MSL2: variants seen among roughly 807,000 people sequenced by gnomAD.
MSL2 encodes the protein MSL complex subunit 2.
MSL2 carries 2 observed loss-of-function variants against 35.8 expected under a neutral mutation model. The observed-to-expected ratio is 0.06, with a 90% CI of 0.02 to 0.18. The LOEUF (loss-of-function observed/expected upper bound fraction) is 0.18. MSL2 is among the 10% of genes least tolerant of loss of function. The probability of loss-of-function intolerance (pLI) is 1.00; values close to 1 mark genes in which losing one functional copy is unlikely to be tolerated. For synonymous variants in MSL2, 296 were observed against 255.7 expected, an observed-to-expected ratio of 1.16 and a Z score of -1.50; for missense variants, 523 against 706.7, an observed-to-expected ratio of 0.74 and a Z score of 2.95.
chr3:136,189,913 G>A (rs981734502), intron 1 of MSL2, among the ~76,000 whole-genome samples: 3 of 151,882 alleles, frequency 2.0e-5, no homozygotes, highest in African/African-American at 7.3e-5. Flanking sequence ...AATGTTAATT[G>A]GTAAGTTTTC....
At position 136,151,722 on chromosome 3, in the gene MSL2, T is replaced by A; in HGVS notation, c.1159A>T (p.Thr387Ser). The A allele has an allele frequency of 6.2e-7, 1 of 1,614,148 alleles. No individual in the cohort carries two copies. Among genetic ancestry groups the A allele is most frequent in the South Asian group, 1.1e-5 (1 of 91,082 alleles). The change falls in exon 2 of 2, where the codon ACT (threonine) becomes TCT (serine). Residue 387 changes from threonine to serine, a missense_variant. This residue lies in a region of MSL2 where 361 missense variants were observed against 414.6 expected (regional missense o/e 0.87). Transcript: ENST00000309993. This position sits in a 1 kb window ranked among gnomAD's most constrained non-coding sequence, Gnocchi z 5.2. ...ESKISLQPIA[T>S]VPNGGTTPKI... ...GGTGTTGTGCCTCCATTGGGAACAG[T>A]TGCTATAGGTTGAAGAGAAATTTTG... is the stretch of plus-strand genomic sequence containing the variant.
intron 1 of MSL2, among the ~76,000 whole-genome samples, chr3:136,188,620 G>A (rs774753206): frequency 4.0e-5 from 6 of 151,262 alleles, no homozygotes; most frequent in African/African-American, 1.5e-4. Context: ...CATTGATGGC[G>A]TATGCCTGTA....
intron 1 of MSL2, among the ~76,000 whole-genome samples, chr3:136,169,353 G>C (rs1014267462): frequency 1.3e-5 from 2 of 150,702 alleles, no homozygotes; most frequent in East Asian, 4.0e-4. Context: ...AATCAAATGA[G>C]GCTAACTGGA....
Position 136,195,533 on chromosome 3 carries a change from G to C in MSL2, c.-420C>G. ...CTGGCAGGCGCGGGAGCAGGCCCCG[G>C]CCCCGTCTGAGGCGCGGCACGCTTC... On this transcript the variant is annotated 5_prime_UTR_variant, in exon 1 of 2. Transcript: ENST00000309993. 9.9e-7 allele frequency: 1 copy of C among 1,007,396 alleles called. No homozygotes were observed. The highest frequency in any genetic ancestry group is 1.2e-6 in the Non-Finnish European group (1 of 844,348). 62.4% of individuals were successfully genotyped at this position (1,007,396 alleles called of 1,614,324 possible). A position where few individuals can be genotyped will look rare whatever the true frequency, so the allele number is the denominator to read the frequency against.
chr3:136,175,978 C>A (rs573916308), intron 1 of MSL2, among the ~76,000 whole-genome samples: 8 of 151,992 alleles, frequency 5.3e-5, no homozygotes, highest in African/African-American at 1.9e-4. Flanking sequence ...AAATTAAACT[C>A]CAAAATTAAA....
chr3:136,174,087 A>G (rs563484283), intron 1 of MSL2, among the ~76,000 whole-genome samples: 16 of 152,346 alleles, frequency 1.1e-4, no homozygotes, highest in African/African-American at 3.8e-4. Flanking sequence ...CTCCTATTAC[A>G]GCACTTAATC....
At position 136,174,592 on chromosome 3, in the gene MSL2, G is replaced by A. The variant is rs147386028; in HGVS notation, c.142+20380C>T. Reference sequence around the variant, plus strand: ...GGAAGAGCAAAAGGAAGGGGAGGATGGATTCTCAATAACAGGTTTGTGAGG... The same window carrying A: ...GGAAGAGCAAAAGGAAGGGGAGGATAGATTCTCAATAACAGGTTTGTGAGG... On this transcript the variant is annotated intron_variant, in intron 1 of 1. Coordinates refer to ENST00000309993, the MANE Select transcript of MSL2 (RefSeq NM_018133.4). 1.8e-3 allele frequency among the ~76,000 whole-genome samples: 273 copies of A among 152,308 alleles called. 3 individuals carry two copies. The highest frequency in any genetic ancestry group is 6.0e-3 in the African/African-American group (250 of 41,568).
chr3:136,183,435 T>C (rs545086640), intron 1 of MSL2, among the ~76,000 whole-genome samples: 11 of 152,172 alleles, frequency 7.2e-5, no homozygotes, highest in Non-Finnish European at 1.6e-4. Flanking sequence ...TTTTTGGTTT[T>C]TTTTTGAGAC....
intron 1 of MSL2, among the ~76,000 whole-genome samples, chr3:136,161,080 C>A (rs1939696734): frequency 6.6e-6 from 1 of 152,114 alleles, no homozygotes. Context: ...AGCAAAGGTT[C>A]CATCTCAAAA....
At chr3:136,191,398 G>A (rs566862593) in intron 1 of MSL2, among the ~76,000 whole-genome samples, 1 of 151,404 alleles carries the variant, frequency 6.6e-6, no homozygotes, top group East Asian at 1.9e-4. Flanking sequence ...AACCCAGGAG[G>A]TAGAGGTTGC....
At position 136,151,480 on chromosome 3, in the gene MSL2, A is replaced by T. The variant is rs747526185; in HGVS notation, c.1401T>A (p.Ala467=). The T allele has an allele frequency of 6.2e-7, 1 of 1,614,252 alleles. No homozygotes were observed. The highest frequency in any genetic ancestry group is 1.1e-5 in the South Asian group (1 of 91,086). Residue 467 remains alanine (A), a synonymous_variant, in exon 2 of 2, where the codon GCT becomes GCA. Coordinates refer to ENST00000309993, the MANE Select transcript of MSL2 (RefSeq NM_018133.4). This position sits in a 1 kb window ranked among gnomAD's most constrained non-coding sequence, Gnocchi z 5.2. The part of the protein sequence containing the change: ...QEKKGCKCGR[A]TQNPSVLTCR... ...ATGTAAGAACACTTGGATTTTGAGT[A>T]GCACGCCCACATTTACACCCTTTCT... is the stretch of plus-strand genomic sequence containing the variant.
intron 1 of MSL2, among the ~76,000 whole-genome samples, chr3:136,175,382 C>T (rs576630938): frequency 6.6e-6 from 1 of 151,578 alleles, no homozygotes; most frequent in Non-Finnish European, 1.5e-5. Flanking sequence ...ACTTCTCTCA[C>T]TGATGTCAAA....
At chr3:136,176,856 AAT>A (rs1381118965) in intron 1 of MSL2, among the ~76,000 whole-genome samples, 1 of 152,102 alleles carries the variant, frequency 6.6e-6, no homozygotes, top group Admixed American at 6.6e-5. Context: ...AACCAAAATA[AAT>A]ATCTTTTCTT....
rs1029667832 is a variant in MSL2, at chr3:136,195,505, G to C, written c.-392C>G. ...GGACACGGAGGCGCCTCCTCAAGTC[G>C]AGCTGGCAGGCGCGGGAGCAGGCCC... On this transcript the variant is annotated 5_prime_UTR_variant, in exon 1 of 2. Coordinates refer to ENST00000309993, the MANE Select transcript of MSL2 (RefSeq NM_018133.4). 2 of 1,011,882 alleles carry C rather than the reference G, an allele frequency of 2.0e-6. No homozygotes were observed. Among genetic ancestry groups the C allele is most frequent in the East Asian group, 1.0e-4 (1 of 9,662 alleles). 62.7% of individuals were successfully genotyped at this position (1,011,882 alleles called of 1,614,324 possible).
rs139226713 is a variant in MSL2, at chr3:136,152,671, A to G, written c.210T>C (p.Cys70=). 7.7e-5 allele frequency: 124 copies of G among 1,614,074 alleles called. No individual in the cohort carries two copies. The African/African-American group carries it at 1.5e-3, about 19-fold the overall frequency. ...STCQHYVCKT[C]KGKKMMMKPS... ...GTTTCATCATCATTTTCTTGCCTTT[A>G]CAAGTTTTGCAGACATAATGTTGGC... Residue 70 remains cysteine, a synonymous_variant, in exon 2 of 2, where the codon TGT becomes TGC. Coordinates refer to ENST00000309993, the MANE Select transcript of MSL2 (RefSeq NM_018133.4).
At chr3:136,182,703 G>A (rs1330535738) in intron 1 of MSL2, among the ~76,000 whole-genome samples, 82 of 150,108 alleles carry the variant, frequency 5.5e-4, no homozygotes, top group Non-Finnish European at 3.4e-4. Context: ...GAGACAGAGC[G>A]AGACTCCGTC....
intron 1 of MSL2, among the ~76,000 whole-genome samples, chr3:136,191,361 G>A (rs1576379058): frequency 6.6e-6 from 1 of 151,866 alleles, no homozygotes; most frequent in South Asian, 2.1e-4. Flanking sequence ...CAAGCTACTC[G>A]GGAAGCTGAG....
intron 1 of MSL2, among the ~76,000 whole-genome samples, chr3:136,193,121 A>T (rs966943124): frequency 6.6e-6 from 1 of 152,228 alleles, no homozygotes; most frequent in African/African-American, 2.4e-5. Flanking sequence ...AAATAAAAAT[A>T]AAAAAGGCTC....
rs980343978 is a variant in MSL2, at chr3:136,195,301, T to C, written c.-188A>G. 5.6e-5 allele frequency: 79 copies of C among 1,400,482 alleles called. No homozygotes were observed. Among genetic ancestry groups the C allele is most frequent in the Non-Finnish European group, 7.1e-5 (77 of 1,082,902 alleles). 86.8% of individuals were successfully genotyped at this position (1,400,482 alleles called of 1,614,324 possible). The stretch of plus-strand genomic sequence containing the variant: ...AAACAATCCTCCCACACATGGGGCC[T>C]TGGCGCCCCTCCGTCCCTGAGACTT... On this transcript the variant is annotated 5_prime_UTR_variant, in exon 1 of 2. Transcript: ENST00000309993.
Sources: allele counts gnomAD v4.1 joint callset (sites outside exome capture counted in the v4.1 genomes callset), GRCh38; gene constraint gnomAD v4.1.1; regional missense constraint gnomAD v4.1.1; non-coding constraint Gnocchi (gnomAD v3.1); transcripts MANE v1.5; gene names NCBI Gene and HGNC (gene_info 2026-07-23, HGNC 2026-07-21).